EPHA5: variants seen among roughly 807,000 people sequenced by gnomAD.
EPHA5 encodes the protein EPH receptor A5.
In EPHA5, 60 loss-of-function variants were observed where a neutral mutation model predicts 105.0. That is an observed-to-expected ratio of 0.57 (90% CI 0.46 to 0.71). The LOEUF (loss-of-function observed/expected upper bound fraction) is 0.71, where lower values mean the gene tolerates loss of function less well. EPHA5 is among the 30% of genes least tolerant of loss of function. The pLI is 0.00. For missense variants in EPHA5, 1,218 were observed against 1,274.7 expected (o/e 0.96, Z 0.68); for synonymous variants, 513 against 449.1 (o/e 1.14, Z -1.80).
At chr4:65,362,434 T>G (rs1265000196) in intron 11 of EPHA5, among the ~76,000 whole-genome samples, 3 of 151,700 alleles carry the variant, frequency 2.0e-5, no homozygotes, top group Non-Finnish European at 3.0e-5. Flanking sequence ...AAGTTGAACA[T>G]TAAGAGCTAA....
intron 14 of EPHA5, among the ~76,000 whole-genome samples, chr4:65,337,290 C>T (rs74487667): frequency 1.6e-4 from 24 of 151,912 alleles, no homozygotes; most frequent in African/African-American, 4.8e-4. Flanking sequence ...ATATTAACCC[C>T]GCAGTGCTGC....
chr4:65,380,601 A>C (rs2148928623), intron 8 of EPHA5, among the ~76,000 whole-genome samples: 1 of 151,888 alleles, frequency 6.6e-6, no homozygotes, highest in African/African-American at 2.4e-5. Context: ...TCAACAGGTA[A>C]ATGAGAAAAA....
chr4:65,457,947 G>A (rs967081904), intron 5 of EPHA5, among the ~76,000 whole-genome samples: 2 of 151,560 alleles, frequency 1.3e-5, no homozygotes, highest in African/African-American at 4.8e-5. Context: ...GGTGACTGGC[G>A]CCTGTAGTTC....
At chr4:65,618,208 G>T (rs1400108774) in intron 2 of EPHA5, among the ~76,000 whole-genome samples, 1 of 151,958 alleles carries the variant, frequency 6.6e-6, no homozygotes, top group East Asian at 1.9e-4. Context: ...CAATTCACTT[G>T]GTCCAAATGA....
At chr4:65,365,526 T>G (rs1717785923) in intron 10 of EPHA5, among the ~76,000 whole-genome samples, 2 of 150,052 alleles carry the variant, frequency 1.3e-5, no homozygotes, top group Non-Finnish European at 3.0e-5. Flanking sequence ...TTCTTCTTTT[T>G]CTGTCTACCG....
chr4:65,561,359 T>C lies in EPHA5; in HGVS notation c.910+40282A>G, dbSNP rs1465076006. ...GCCAGAAGCAAGTACAAAATACTGA[T>C]GTTATTCACAGTCATAGGCATATAG... On this transcript the variant is annotated intron_variant, in intron 3 of 16. Transcript: ENST00000613740. Among the ~76,000 whole-genome samples the C allele has an allele frequency of 2.0e-5, 3 of 150,916 alleles. No individual in the cohort carries two copies. In the South Asian group the frequency reaches 6.4e-4, roughly 32 times the overall value.
intron 14 of EPHA5, among the ~76,000 whole-genome samples, chr4:65,343,695 A>G (rs1427383643): frequency 6.6e-6 from 1 of 152,184 alleles, no homozygotes; most frequent in Non-Finnish European, 1.5e-5. Flanking sequence ...GCTGTATCTG[A>G]AAACTAAAAT....
chr4:65,642,210 T>C (rs932953406), intron 2 of EPHA5, among the ~76,000 whole-genome samples: 5 of 152,112 alleles, frequency 3.3e-5, no homozygotes, highest in African/African-American at 1.2e-4. Context: ...TAGATTATTT[T>C]TGGTACATGA....
chr4:65,528,830 C>A (rs897841718), intron 3 of EPHA5, among the ~76,000 whole-genome samples: 1 of 152,104 alleles, frequency 6.6e-6, no homozygotes, highest in Non-Finnish European at 1.5e-5. Context: ...AATTTAAAGA[C>A]CATTCTGGCA....
chr4:65,579,122 G>C (rs766345844), intron 3 of EPHA5, among the ~76,000 whole-genome samples: 1 of 151,334 alleles, frequency 6.6e-6, no homozygotes, highest in Non-Finnish European at 1.5e-5. Context: ...TTTATATTTT[G>C]TAAAAATGTT....
At chr4:65,367,259 TGGTCAGTTA>T in intron 9 of EPHA5, 89 bp downstream of exon 9, 1 of 945,750 alleles carries the variant, frequency 1.1e-6, no homozygotes. Flanking sequence ...AACAATATTT[TGGTCAGTTA>T]TTATAAATCT....
At chr4:65,459,246 T>G (rs1043112053) in intron 5 of EPHA5, among the ~76,000 whole-genome samples, 41 of 152,042 alleles carry the variant, frequency 2.7e-4, no homozygotes, top group Non-Finnish European at 5.0e-4. Context: ...AATAATGGGC[T>G]TCAGTTTAAA....
chr4:65,507,852 T>A (rs555688667), intron 3 of EPHA5, among the ~76,000 whole-genome samples: 1 of 152,178 alleles, frequency 6.6e-6, no homozygotes, highest in African/African-American at 2.4e-5. Flanking sequence ...CTTGAAACCA[T>A]GACAAAAATA....
chr4:65,462,273 TAAG>T (rs1221145402), intron 5 of EPHA5, among the ~76,000 whole-genome samples: 2 of 152,160 alleles, frequency 1.3e-5, no homozygotes, highest in East Asian at 1.9e-4. Context: ...TTCCCCTCAG[TAAG>T]AAGAACAATT....
intron 3 of EPHA5, among the ~76,000 whole-genome samples, chr4:65,512,328 C>A (rs1553929810): frequency 6.6e-6 from 1 of 152,004 alleles, no homozygotes; most frequent in Non-Finnish European, 1.5e-5. Flanking sequence ...ATAAATATGT[C>A]AGGAAATGTA....
chr4:65,442,794 C>T (rs1726147546), intron 5 of EPHA5, among the ~76,000 whole-genome samples: 1 of 152,106 alleles, frequency 6.6e-6, no homozygotes, highest in Admixed American at 6.5e-5. Context: ...TTTATGTTGT[C>T]TATAATGATA....
chr4:65,622,729 T>A (rs1467500442), intron 2 of EPHA5, among the ~76,000 whole-genome samples: 1 of 152,062 alleles, frequency 6.6e-6, no homozygotes. Flanking sequence ...AATCAATGGT[T>A]GATGAGGAAC....
At chr4:65,566,837 T>C (rs1368266488) in intron 3 of EPHA5, among the ~76,000 whole-genome samples, 1 of 151,790 alleles carries the variant, frequency 6.6e-6, no homozygotes, top group Non-Finnish European at 1.5e-5. Context: ...ATAATGGTTG[T>C]TTTGGTACAT....
At chr4:65,475,418 T>C (rs546589041) in intron 5 of EPHA5, among the ~76,000 whole-genome samples, 1 of 152,152 alleles carries the variant, frequency 6.6e-6, no homozygotes, top group Non-Finnish European at 1.5e-5. Flanking sequence ...TAGAATCTAA[T>C]AAAGGACTCA....
Sources: gnomAD v4.1 joint callset for allele counts (sites outside exome capture counted in the v4.1 genomes callset) on GRCh38, gnomAD v4.1.1 for gene constraint, MANE v1.5 for transcripts, NCBI Gene and HGNC (gene_info 2026-07-23, HGNC 2026-07-21) for gene names.